Variants in ITIH5 observed in about 807,000 individuals in gnomAD.
ITIH5 encodes the protein inter-alpha-trypsin inhibitor heavy chain H5.
ITIH5 carries 65 observed loss-of-function variants against 77.5 expected under a neutral mutation model. The observed-to-expected ratio is 0.84, with a 90% confidence interval of 0.69 to 1.03. ITIH5 has a LOEUF of 1.03. ITIH5 is among the 50% of genes least tolerant of loss of function. The pLI, the probability that ITIH5 is intolerant of heterozygous loss-of-function variation, is 0.00. For synonymous variants in ITIH5, 525 were observed against 494.3 expected (o/e 1.06, Z -0.82); for missense variants, 1,208 against 1,213.1 (o/e 1.00, Z 0.06).
intron 6 of ITIH5, 36 bp from the exon 7 acceptor site, chr10:7,616,134 C>G: frequency 7.9e-7 from 1 of 1,273,132 alleles, no homozygotes; most frequent in Non-Finnish European, 1.1e-6. Flanking sequence ...ACGGTAGTAC[C>G]TAGAGCGGGG....
At chr10:7,653,525 G>A (rs1834133986) in intron 2 of ITIH5, among the ~76,000 whole-genome samples, 2 of 152,098 alleles carry the variant, frequency 1.3e-5, no homozygotes, top group South Asian at 4.1e-4. Flanking sequence ...AAATGTATAT[G>A]CAGTTTGAAT....
At chr10:7,582,393 C>G (rs1479067874) in intron 8 of ITIH5, among the ~76,000 whole-genome samples, 1 of 152,036 alleles carries the variant, frequency 6.6e-6, no homozygotes, top group African/African-American at 2.4e-5. Flanking sequence ...ACTAAGCTAC[C>G]AACATCCCAC....
chr10:7,613,864 C>T (rs1833308725), intron 7 of ITIH5, among the ~76,000 whole-genome samples: 1 of 152,170 alleles, frequency 6.6e-6, no homozygotes. Context: ...AAGAGTTCTG[C>T]AGTCCAGCTT....
intron 2 of ITIH5, among the ~76,000 whole-genome samples, chr10:7,653,992 T>TA (rs1041511948): frequency 1.3e-5 from 2 of 152,110 alleles, no homozygotes; most frequent in Non-Finnish European, 2.9e-5. Flanking sequence ...CCATCTCTAC[T>TA]AAAAAAATAG....
chr10:7,613,499 G>C (rs528644018), intron 7 of ITIH5, among the ~76,000 whole-genome samples: 67 of 152,170 alleles, frequency 4.4e-4, no homozygotes, highest in African/African-American at 1.6e-3. Context: ...TACTGTGCTT[G>C]AGAAAATATA....
chr10:7,576,837 C>G lies in ITIH5; in HGVS notation c.1594G>C (p.Ala532Pro), dbSNP rs529874492. 6.2e-7 allele frequency: 1 copy of G among 1,614,022 alleles called. No individual in the cohort carries two copies. The highest frequency in any genetic ancestry group is 1.3e-5 in the African/African-American group (1 of 74,908). Residue 532 changes from alanine to proline, a missense_variant, in exon 10 of 14, where the codon GCC (alanine) becomes CCC (proline). Coordinates refer to ENST00000397146, the MANE Select transcript of ITIH5 (RefSeq NM_030569.7). Reference protein sequence around the residue: ...KLDHLHVEVTASNSKKFIILK... With the variant: ...KLDHLHVEVTPSNSKKFIILK... The stretch of plus-strand genomic sequence containing the variant: ...ATGATGAATTTCTTACTGTTGCTGG[C>G]GGTGACCTCCACGTGCAGGTGATCC...
rs567377657 is a variant in ITIH5, at chr10:7,638,344, A to G, written c.402-866T>C. Among the ~76,000 whole-genome samples the G allele has an allele frequency of 3.3e-5, 5 of 152,348 alleles. 1 individual carries two copies. The highest frequency in any genetic ancestry group is 1.2e-4 in the African/African-American group (5 of 41,574). The stretch of plus-strand genomic sequence containing the variant: ...CTTCCCAGAACTGGAAAGAGACATA[A>G]GTATTGAAATGGAAAAATTCAAGCA... On this transcript the variant is annotated intron_variant, in intron 4 of 13. Transcript: ENST00000397146.
At chr10:7,638,860 G>A (rs1304699159) in intron 4 of ITIH5, among the ~76,000 whole-genome samples, 2 of 152,174 alleles carry the variant, frequency 1.3e-5, no homozygotes, top group East Asian at 3.8e-4. Context: ...AGCTGCTGTT[G>A]GCCAGATATC....
chr10:7,595,200 C>T (rs575197136), intron 7 of ITIH5, among the ~76,000 whole-genome samples: 20 of 151,962 alleles, frequency 1.3e-4, no homozygotes, highest in Non-Finnish European at 2.4e-4. Context: ...GCCTGGGCAA[C>T]GGAGCGAGAC....
At chr10:7,637,122 G>C in intron 5 of ITIH5, 106 bp downstream of exon 5, 2 of 1,358,592 alleles carry the variant, frequency 1.5e-6, no homozygotes, top group Non-Finnish European at 2.0e-6. Context: ...AAATGCAAAG[G>C]CTTTGCTGAA....
intron 3 of ITIH5, among the ~76,000 whole-genome samples, chr10:7,641,714 G>A (rs1172380549): frequency 7.3e-6 from 1 of 137,366 alleles, no homozygotes; most frequent in African/African-American, 2.7e-5. Context: ...GGGAGAGAGG[G>A]AGGGAAGGAG....
chr10:7,609,576 C>T (rs561930160), intron 7 of ITIH5: 4 of 419,866 alleles, frequency 9.5e-6, no homozygotes, highest in South Asian at 6.9e-5. Flanking sequence ...CACGTTTGCC[C>T]TCATTTTAAC....
chr10:7,643,333 A>G (rs1324754825), intron 2 of ITIH5, among the ~76,000 whole-genome samples: 1 of 152,230 alleles, frequency 6.6e-6, no homozygotes, highest in Non-Finnish European at 1.5e-5. Flanking sequence ...ACAAGACATT[A>G]CCCCATGACA....
chr10:7,657,037 C>T (rs1461691229), intron 1 of ITIH5, among the ~76,000 whole-genome samples: 6 of 117,072 alleles, frequency 5.1e-5, no homozygotes, highest in African/African-American at 6.8e-5. Flanking sequence ...CCACCGCGTT[C>T]GGCCTTTTTT....
At chr10:7,565,362 TAC>T (rs569771485) in intron 13 of ITIH5, among the ~76,000 whole-genome samples, 173 of 149,884 alleles carry the variant, frequency 1.2e-3, no homozygotes, top group African/African-American at 4.1e-3. Context: ...TATATATACA[TAC>T]ACAGACTATG....
chr10:7,640,680 G>T (rs914022877), intron 4 of ITIH5, 74 bp downstream of exon 4: 1 of 855,872 alleles, frequency 1.2e-6, no homozygotes, highest in South Asian at 1.4e-5. Flanking sequence ...ACGACAAGAG[G>T]AGTAGGCAAA....
In ITIH5 at chr10:7,562,391, A is replaced by T. The variant is rs530571478; in HGVS notation, c.*692T>A. On this transcript the variant is annotated 3_prime_UTR_variant, in exon 14 of 14. Transcript: ENST00000397146. ...CAAAGTCAAGTGGTTTACAAAGCCC[A>T]TTAGAAAGAGATCAGTATCTGAGCT... 2 of 152,466 alleles carry T rather than the reference A, an allele frequency of 1.3e-5. No homozygotes were observed. The highest frequency in any genetic ancestry group is 3.9e-4 in the East Asian group (2 of 5,192). The allele number at this position is 152,466 out of a possible 1,614,324, so 9.4% of individuals were successfully genotyped here.
chr10:7,569,533 C>T, intron 12 of ITIH5, 135 bp downstream of exon 12: 1 of 568,546 alleles, frequency 1.8e-6, no homozygotes, highest in Non-Finnish European at 3.1e-6. Flanking sequence ...AGTGCGCTTC[C>T]CTTAACCACT....
At position 7,637,255 on chromosome 10, in the gene ITIH5, T is replaced by A. The variant is rs1476622395; in HGVS notation, c.625A>T (p.Arg209Trp). The A allele has an allele frequency of 6.2e-7, 1 of 1,610,404 alleles. No individual in the cohort carries two copies. Among genetic ancestry groups the A allele is most frequent in the Admixed American group, 1.7e-5 (1 of 60,022 alleles). ...TCCCCGCGCCCACTGCCCCTCTGCC[T>A]GCTGTTGTGAAGCGGCAGCACCTCC... is the stretch of plus-strand genomic sequence containing the variant. Reference protein sequence around the residue: ...SLEVLPLHNSRQRGSGRGEDD... With the variant: ...SLEVLPLHNSWQRGSGRGEDD... The change falls in exon 5 of 14, where the codon AGG (arginine) becomes TGG (tryptophan). Residue 209 changes from arginine to tryptophan, a missense_variant. By Grantham distance (101) the Arg-to-Trp change is moderately radical. Transcript: ENST00000397146.
Sources: gnomAD v4.1 joint callset for allele counts (sites outside exome capture counted in the v4.1 genomes callset) on GRCh38, gnomAD v4.1.1 for gene constraint, MANE v1.5 for transcripts, NCBI Gene and HGNC (gene_info 2026-07-23, HGNC 2026-07-21) for gene names.